TULP2: variants seen among roughly 807,000 people sequenced by gnomAD.
TULP2 encodes TUB like protein 2, also known as tubby-related protein 2.
Under a neutral mutation model 60.3 loss-of-function variants are expected in TULP2, and 64 were observed. The observed-to-expected ratio is 1.06, with a 90% confidence interval of 0.87 to 1.31. The LOEUF is 1.31. Among genes scored for constraint, TULP2 ranks in the 50% most tolerant of loss-of-function variants. The pLI is 0.00. For synonymous variants in TULP2, 267 were observed against 265.4 expected (o/e 1.01, Z -0.06); for missense variants, 652 against 667.0 (o/e 0.98, Z 0.25).
intron 4 of TULP2, 39 bp from the exon 5 acceptor site, chr19:48,895,542 A>G: frequency 6.3e-7 from 1 of 1,576,736 alleles, no homozygotes; most frequent in Non-Finnish European, 8.6e-7. Context: ...AACGATCTAC[A>G]AATTCCGGTC....
intron 3 of TULP2, among the ~76,000 whole-genome samples, chr19:48,896,891 T>C (rs1387477303): frequency 8.6e-6 from 1 of 116,494 alleles, no homozygotes; most frequent in African/African-American, 2.8e-5. Flanking sequence ...CCTTTCTTAC[T>C]TTTTTTTTTT....
In TULP2 at chr19:48,895,136, G is replaced by A; in HGVS notation, c.376C>T (p.Pro126Ser). Residue 126 changes from proline to serine, a missense_variant, in exon 6 of 13, where the codon CCT becomes TCT. Pro to Ser is a moderately conservative substitution (Grantham distance 74). Transcript: ENST00000221399. ...AVFRNLGLQS[P>S]FLSWLPDNSD... ...TTGTCTGGGAGCCAGGATAAGAAAG[G>A]GGACTGGAGACCGAGATTCCTGAAC... The A allele has an allele frequency of 1.9e-6, 3 of 1,613,872 alleles. No homozygotes were observed. Among genetic ancestry groups the A allele is most frequent in the Non-Finnish European group, 2.5e-6 (3 of 1,179,960 alleles).
intron 8 of TULP2, among the ~76,000 whole-genome samples, chr19:48,886,046 C>A (rs1038101769): frequency 6.6e-6 from 1 of 151,998 alleles, no homozygotes; most frequent in African/African-American, 2.4e-5. Flanking sequence ...GTGGCTCATG[C>A]CTGTAATCCC....
chr19:48,881,095 C>T lies in TULP2; in HGVS notation c.1479G>A (p.Val493=), dbSNP rs761503536. 4 of 1,613,594 alleles carry T rather than the reference C, an allele frequency of 2.5e-6. No homozygotes were observed. The East Asian group carries it at 6.7e-5, about 27-fold the overall frequency. The change falls in exon 13 of 13, where the codon GTG becomes GTA. Residue 493 remains valine, a synonymous_variant. Transcript: ENST00000221399. ...AGTCCATGGTGAATGTGTCTGGGCCCACTCGGCCGAACTGGAGCACCAGAT... is the reference window on the plus strand; with the variant it reads ...AGTCCATGGTGAATGTGTCTGGGCCTACTCGGCCGAACTGGAGCACCAGAT... ...QEHLVLQFGR[V]GPDTFTMDFC... is the part of the protein sequence containing the mutation.
chr19:48,896,607 C>A (rs1381134089), intron 3 of TULP2, 51 bp from the exon 4 acceptor site: 5 of 1,534,452 alleles, frequency 3.3e-6, no homozygotes, highest in Non-Finnish European at 3.5e-6. Flanking sequence ...GATGGGAAGA[C>A]AGAAGTGAGG....
chr19:48,896,831 G>A (rs1363559652), intron 3 of TULP2: 10 of 378,936 alleles, frequency 2.6e-5, no homozygotes, highest in Admixed American at 4.4e-5. Flanking sequence ...TTCATCACAA[G>A]GGTTTGTTTG....
In TULP2 at chr19:48,894,997, C is replaced by T. The variant is rs76100543; in HGVS notation, c.514+1G>A. On this transcript the variant is annotated splice_donor_variant, in intron 6 of 12. Transcript: ENST00000221399. LOFTEE classifies it high-confidence loss of function. ...TTTCACCCCAATGTCCCCTAAATTA[C>T]CAGGTCGTTGGTGGGCTTGCCAACC... The T allele has an allele frequency of 1.3e-3, 2,098 of 1,610,382 alleles. 27 individuals carry two copies. The African/African-American group carries it at 0.025, about 19-fold the overall frequency.
intron 11 of TULP2, among the ~76,000 whole-genome samples, chr19:48,882,802 C>T (rs997217056): frequency 6.6e-6 from 1 of 152,190 alleles, no homozygotes; most frequent in Admixed American, 6.6e-5. Context: ...CCGGTACAAG[C>T]ATGCCAGGGC....
intron 12 of TULP2, among the ~76,000 whole-genome samples, chr19:48,881,376 ATTTTTTT>A (rs72139613): frequency 1.1e-5 from 1 of 90,458 alleles, no homozygotes; most frequent in South Asian, 3.5e-4. Flanking sequence ...CGTCCGGCTA[ATTTTTTT>A]TTTTTTTTTT....
chr19:48,885,339 G>T, intron 9 of TULP2, 109 bp downstream of exon 9: 1 of 847,398 alleles, frequency 1.2e-6, no homozygotes, highest in South Asian at 1.6e-5. Context: ...AGTTCTTCTG[G>T]TCCCTGAGCA....
intron 8 of TULP2, 128 bp downstream of exon 8, chr19:48,887,822 T>C: frequency 9.9e-7 from 1 of 1,008,154 alleles, no homozygotes; most frequent in Non-Finnish European, 1.4e-6. Context: ...CCTCCCAAAG[T>C]GCTGGGATTA....
At chr19:48,896,626 G>A in intron 3 of TULP2, 70 bp from the exon 4 acceptor site, 1 of 1,489,458 alleles carries the variant, frequency 6.7e-7, no homozygotes, top group Non-Finnish European at 8.9e-7. Flanking sequence ...GGTGGGGCCT[G>A]GGGCAAGGGC....
chr19:48,896,318 C>T (rs2037280730), intron 4 of TULP2, 112 bp downstream of exon 4: 1 of 1,390,830 alleles, frequency 7.2e-7, no homozygotes, highest in South Asian at 1.5e-5. Flanking sequence ...CCGCCCCCAT[C>T]CACTGCCAAG....
intron 6 of TULP2, among the ~76,000 whole-genome samples, chr19:48,893,711 G>A (rs1430581483): frequency 1.3e-5 from 2 of 152,002 alleles, no homozygotes; most frequent in Non-Finnish European, 1.5e-5. Flanking sequence ...ATGCCACCAC[G>A]CCCAGCTAAT....
At chr19:48,889,331 TACAC>T (rs150357273) in intron 7 of TULP2, among the ~76,000 whole-genome samples, 175 bp downstream of exon 7, 70 of 151,790 alleles carry the variant, frequency 4.6e-4, no homozygotes, top group Non-Finnish European at 7.7e-4. Flanking sequence ...TGATGAATGG[TACAC>T]ACACACACAT....
rs2037139050 is a variant in TULP2, at chr19:48,882,127, G to A, written c.1352C>T (p.Ser451Leu). Reference sequence around the variant, plus strand: ...GTAGACACCGTTCTCCTTGTCCCACGACGGGGTTTTGTTGTGCAACAAAAG... The same window carrying A: ...GTAGACACCGTTCTCCTTGTCCCACAACGGGGTTTTGTTGTGCAACAAAAG... ...GLLLLHNKTPSWDKENGVYTL... is the reference protein window; with the variant it reads ...GLLLLHNKTPLWDKENGVYTL... The change falls in exon 12 of 13, where the codon TCG becomes TTG. Residue 451 changes from serine to leucine, a missense_variant. Transcript: ENST00000221399. 6 of 1,614,044 alleles carry A rather than the reference G, an allele frequency of 3.7e-6. No individual in the cohort carries two copies. The highest frequency in any genetic ancestry group is 5.1e-6 in the Non-Finnish European group (6 of 1,180,022).
chr19:48,888,260 TC>T lies in TULP2; in HGVS notation c.637del (p.Glu213LysfsTer30). On this transcript the variant is annotated frameshift_variant and splice_region_variant, in exon 8 of 13. Transcript: ENST00000221399. LOFTEE classifies it high-confidence loss of function. The part of the protein sequence containing the change: ...CVYENLAFQK[E>X]EDLEKKREAS... ...CTCTCTCTTCTTTTCCAAGTCTTCT[TC>T]CTAGCCCAGGCACCAAATTTAAAGT... is the stretch of plus-strand genomic sequence containing the variant. 1 of 1,581,426 alleles carries T rather than the reference TC, an allele frequency of 6.3e-7. No homozygotes were observed. Among genetic ancestry groups the T allele is most frequent in the Non-Finnish European group, 8.6e-7 (1 of 1,159,640 alleles).
In TULP2 at chr19:48,883,218, C is replaced by CA. The variant is rs1284152622; in HGVS notation, c.1275+535dup. On this transcript the variant is annotated intron_variant, in intron 11 of 12. Transcript: ENST00000221399. ...TGGGCGACAGAGCAAGACTCTGTCT[C>CA]AAAAAAAAAAAAAAAGAAAGAAAGA... is the stretch of plus-strand genomic sequence containing the variant. Among the ~76,000 whole-genome samples, 448 of 93,846 alleles carry CA rather than the reference C, an allele frequency of 4.8e-3. 3 individuals are homozygous for CA. The highest frequency in any genetic ancestry group is 7.7e-3 in the African/African-American group (193 of 24,958). The allele number at this position is 93,846 out of a possible 152,430, so 61.6% of individuals were successfully genotyped here.
chr19:48,884,133 A>T (rs570120283), intron 9 of TULP2, 87 bp from the exon 10 acceptor site: 1 of 1,068,436 alleles, frequency 9.4e-7, no homozygotes, highest in East Asian at 2.5e-5. Flanking sequence ...TCTTCCCATC[A>T]ATCCCCTATG....
Sources: gnomAD v4.1 joint callset for allele counts (sites outside exome capture counted in the v4.1 genomes callset) on GRCh38, gnomAD v4.1.1 for gene constraint, MANE v1.5 for transcripts, NCBI Gene and HGNC (gene_info 2026-07-23, HGNC 2026-07-21) for gene names.